The following ANKFN1 variants were observed in gnomAD, a reference collection of about 807,000 sequenced individuals.
The protein encoded by ANKFN1 is ankyrin repeat and fibronectin type-III domain-containing protein 1.
Under a neutral mutation model 108.7 loss-of-function variants are expected in ANKFN1, and 74 were observed. The observed-to-expected ratio is 0.68, with a 90% CI of 0.56 to 0.83. The LOEUF (loss-of-function observed/expected upper bound fraction) is 0.83. Ranked by LOEUF, ANKFN1 falls within the 40% of genes least tolerant of loss-of-function variation. The pLI, the probability that ANKFN1 is intolerant of heterozygous loss-of-function variation, is 0.00. For missense variants in ANKFN1, 1,505 were observed against 1,382.3 expected, an observed-to-expected ratio of 1.09 and a Z score of -1.41; for synonymous variants, 547 against 516.2, an observed-to-expected ratio of 1.06 and a Z score of -0.81.
At chr17:56,351,821 C>G (rs988847928) in intron 5 of ANKFN1, among the ~76,000 whole-genome samples, 1 of 152,134 alleles carries the variant, frequency 6.6e-6, no homozygotes, top group African/African-American at 2.4e-5. Flanking sequence ...TATTAACATG[C>G]TCAGCAAGGG....
chr17:56,312,887 T>C (rs145876495), intron 3 of ANKFN1, among the ~76,000 whole-genome samples: 5,061 of 152,238 alleles, frequency 0.033, 112 homozygotes, highest in Non-Finnish European at 0.047. Context: ...GCGGGCACGG[T>C]GGCTCATGCC....
chr17:56,482,764 G>C, intron 18 of ANKFN1: 1 of 380,474 alleles, frequency 2.6e-6, no homozygotes, highest in East Asian at 4.0e-5. Flanking sequence ...ATTCTAAACA[G>C]AAAGTTCAGT....
chr17:56,497,966 G>A (rs2051252581), intron 19 of ANKFN1, among the ~76,000 whole-genome samples: 1 of 152,080 alleles, frequency 6.6e-6, no homozygotes, highest in Non-Finnish European at 1.5e-5. Flanking sequence ...TGTCTATCAA[G>A]ATCTGGAAAA....
intron 10 of ANKFN1, among the ~76,000 whole-genome samples, chr17:56,445,951 T>G (rs556443635): frequency 2.0e-5 from 3 of 152,316 alleles, no homozygotes; most frequent in Admixed American, 6.5e-5. Flanking sequence ...CCTACCATGC[T>G]AAGTTTATTC....
At chr17:56,220,796 A>AAGGAAGGG (rs1567845847) in intron 2 of ANKFN1, among the ~76,000 whole-genome samples, 1 of 62,282 alleles carries the variant, frequency 1.6e-5, no homozygotes, top group Non-Finnish European at 3.3e-5. Context: ...GGAAGGGAGG[A>AAGGAAGGG]AGGGAGGGAG....
chr17:56,457,950 A>C lies in ANKFN1; in HGVS notation c.1528A>C (p.Lys510Gln), dbSNP rs1183991258. 6 of 1,614,020 alleles carry C rather than the reference A, an allele frequency of 3.7e-6. No homozygotes were observed. In the East Asian group the frequency reaches 1.3e-4, roughly 36 times the overall value. The change falls in exon 14 of 21, where the codon AAG (lysine) becomes CAG (glutamine). Residue 510 changes from lysine (K) to glutamine (Q), a missense_variant. Coordinates refer to ENST00000682825, the MANE Select transcript of ANKFN1 (RefSeq NM_001370326.1). The stretch of plus-strand genomic sequence containing the variant: ...ATCCACAGTGCTGCAAACTCGGCAG[A>C]AGATGCTCGCAGCAACAGCACAGCT... ...SSSTVLQTRQ[K>Q]MLAATAQLQN...
intron 1 of ANKFN1, among the ~76,000 whole-genome samples, chr17:56,173,692 C>T (rs192644247): frequency 6.6e-6 from 1 of 152,228 alleles, no homozygotes; most frequent in Non-Finnish European, 1.5e-5. Flanking sequence ...GAACTTCTGG[C>T]CTCAAGCGTT....
rs961725472 is a variant in ANKFN1, at chr17:56,512,980, T to C, written c.*1711T>C. Among the ~76,000 whole-genome samples the C allele has an allele frequency of 6.6e-6, 1 of 152,228 alleles. No individual in the cohort carries two copies. The highest frequency in any genetic ancestry group is 1.5e-5 in the Non-Finnish European group (1 of 68,044). ...GGGAGGATTTTAAAATGCAATTTTC[T>C]TCTGTCTAAGTGAATTCTATGTGCA... On this transcript the variant is annotated 3_prime_UTR_variant, in exon 21 of 21. Coordinates refer to ENST00000682825, the MANE Select transcript of ANKFN1 (RefSeq NM_001370326.1).
intron 3 of ANKFN1, among the ~76,000 whole-genome samples, chr17:56,317,651 T>A (rs1255269088): frequency 6.6e-6 from 1 of 152,172 alleles, no homozygotes; most frequent in Non-Finnish European, 1.5e-5. Context: ...CACATACTCC[T>A]AAGGGTATCG....
intron 3 of ANKFN1, among the ~76,000 whole-genome samples, chr17:56,314,039 A>G (rs2045125131): frequency 6.6e-6 from 1 of 152,138 alleles, no homozygotes; most frequent in Admixed American, 6.5e-5. Context: ...TAAGTATTCT[A>G]TTGTGTCTAG....
At chr17:56,403,256 C>A (rs923146339) in intron 8 of ANKFN1, among the ~76,000 whole-genome samples, 8 of 151,990 alleles carry the variant, frequency 5.3e-5, no homozygotes, top group African/African-American at 1.9e-4. Flanking sequence ...TCTTTATTGA[C>A]TTTCTGTCTT....
In ANKFN1 at chr17:56,197,626, T is replaced by A. The variant is rs564992058; in HGVS notation, c.-70-14972T>A. Among the ~76,000 whole-genome samples the A allele has an allele frequency of 3.3e-5, 5 of 152,346 alleles. No homozygotes were observed. In the East Asian group the frequency reaches 9.6e-4, roughly 29 times the overall value. On this transcript the variant is annotated intron_variant, in intron 1 of 20. Transcript: ENST00000682825. ...ATGATTATTCCAATGGTCTTCTAAC[T>A]AACCTGCTGACTGCAGGAACTCTCT...
At chr17:56,073,237 C>G (rs1366013904) in intron 4 of ANKFN1, among the ~76,000 whole-genome samples, 1 of 152,130 alleles carries the variant, frequency 6.6e-6, no homozygotes, top group Non-Finnish European at 1.5e-5. Context: ...CGTGATCCGC[C>G]CGCCTCGGCC....
chr17:56,191,773 TG>T (rs1912952490), intron 1 of ANKFN1, among the ~76,000 whole-genome samples: 1 of 148,244 alleles, frequency 6.7e-6, no homozygotes, highest in Non-Finnish European at 1.5e-5. Flanking sequence ...CTTGCTAGAT[TG>T]GGGAAGTTCT....
At chr17:56,324,964 AG>A (rs1415023065) in intron 3 of ANKFN1, among the ~76,000 whole-genome samples, 1 of 152,144 alleles carries the variant, frequency 6.6e-6, no homozygotes, top group Non-Finnish European at 1.5e-5. Flanking sequence ...GTCTCTAGAA[AG>A]GGGGAGAGTT....
rs574760914 is a variant in ANKFN1, at chr17:56,094,843, C to T, written c.288+48518C>T. The stretch of plus-strand genomic sequence containing the variant: ...CCTGTTTCTTCTATTAAATGGATTC[C>T]AATATGATTATTGTGAGGACTTAAT... On this transcript the variant is annotated intron_variant, in intron 4 of 12. Transcript: ENST00000635860. Among the ~76,000 whole-genome samples, 191 of 150,746 alleles carry T rather than the reference C, an allele frequency of 1.3e-3. 5 individuals carry two copies. The highest frequency in any genetic ancestry group is 4.3e-3 in the African/African-American group (178 of 41,134).
intron 3 of ANKFN1, among the ~76,000 whole-genome samples, chr17:56,309,423 A>G (rs1029449685): frequency 1.3e-5 from 2 of 152,142 alleles, no homozygotes; most frequent in Non-Finnish European, 2.9e-5. Flanking sequence ...ATATTGGTAA[A>G]TTGCATCTCT....
rs539715699 is a variant in ANKFN1 at position 56,047,399 on chromosome 17, T to A, written c.288+1074T>A. Among the ~76,000 whole-genome samples the A allele has an allele frequency of 5.9e-5, 9 of 152,228 alleles. No individual in the cohort carries two copies. In the East Asian group the frequency reaches 1.7e-3, roughly 29 times the overall value. ...GAGCACGGGAGGAGCACTCTGCTTA[T>A]CCTTAGAGCTGGCTTTGAGCAGCTG... On this transcript the variant is annotated intron_variant, in intron 4 of 12. Coordinates refer to the ANKFN1 transcript ENST00000635860.
chr17:56,054,719 C>T (rs1386976636), intron 4 of ANKFN1, among the ~76,000 whole-genome samples: 1 of 151,892 alleles, frequency 6.6e-6, no homozygotes, highest in Non-Finnish European at 1.5e-5. Flanking sequence ...CAAGACCAGC[C>T]TGGGCAACAA....
Sources: gnomAD v4.1 joint callset for allele counts (sites outside exome capture counted in the v4.1 genomes callset) on GRCh38, gnomAD v4.1.1 for gene constraint, MANE v1.5 for transcripts, NCBI Gene and HGNC (gene_info 2026-07-23, HGNC 2026-07-21) for gene names.